The following LMO7 variants were observed in gnomAD, a reference collection of about 807,000 sequenced individuals.
LMO7 encodes the protein LIM domain only protein 7.
LMO7 carries 120 observed loss-of-function variants against 206.5 expected under a neutral mutation model. That is an observed-to-expected ratio of 0.58 (90% CI 0.50 to 0.68). LMO7 has a LOEUF of 0.68. Ranked by LOEUF, LMO7 falls within the 30% of genes least tolerant of loss-of-function variation. LMO7 has a pLI of 0.00. For synonymous variants in LMO7, 706 were observed against 681.5 expected, an observed-to-expected ratio of 1.04 and a Z score of -0.56; for missense variants, 1,959 against 1,957.9, an observed-to-expected ratio of 1.00 and a Z score of -0.01.
chr13:75,769,225 T>A (rs973144953), intron 4 of LMO7, among the ~76,000 whole-genome samples: 6 of 152,078 alleles, frequency 3.9e-5, no homozygotes, highest in Non-Finnish European at 8.8e-5. Flanking sequence ...GGAGCAGTTA[T>A]GTTTTAGGGG....
At position 75,841,100 on chromosome 13, in the gene LMO7, T is replaced by A. The variant is rs191586851; in HGVS notation, c.3583-9T>A. 9.5e-6 allele frequency: 15 copies of A among 1,576,544 alleles called. No individual in the cohort carries two copies. The African/African-American group carries it at 1.2e-4, about 13-fold the overall frequency. ...CTATTGGATTAATATATGTCATATTTTCTTATAGGAAAAATATCAACGTGA... is the reference window on the plus strand; with the variant it reads ...CTATTGGATTAATATATGTCATATTATCTTATAGGAAAAATATCAACGTGA... On this transcript the variant is annotated splice_polypyrimidine_tract_variant and intron_variant, in intron 22 of 30. Coordinates refer to ENST00000377534, the MANE Select transcript of LMO7 (RefSeq NM_001306080.2).
intron 15 of LMO7, among the ~76,000 whole-genome samples, chr13:75,827,746 CTA>C (rs3837543): frequency 0.13 from 19,794 of 152,116 alleles, 1,692 homozygotes; most frequent in Admixed American, 0.21. Context: ...TTTCAGAGCT[CTA>C]TGTTTTTAAA....
intron 2 of LMO7, among the ~76,000 whole-genome samples, chr13:75,724,295 A>G (rs987623025): frequency 6.6e-6 from 1 of 152,132 alleles, no homozygotes; most frequent in African/African-American, 2.4e-5. Flanking sequence ...TGTACTAACC[A>G]AGCACATAAC....
chr13:75,644,453 A>G (rs1236491718), intron 1 of LMO7, among the ~76,000 whole-genome samples: 1 of 152,216 alleles, frequency 6.6e-6, no homozygotes, highest in Non-Finnish European at 1.5e-5. Flanking sequence ...ATTAAGAATC[A>G]GAAAAGAATG....
chr13:75,774,999 C>T (rs918040185), intron 4 of LMO7, among the ~76,000 whole-genome samples: 16 of 151,790 alleles, frequency 1.1e-4, no homozygotes, highest in African/African-American at 3.1e-4. Flanking sequence ...TAAAGCAGGG[C>T]GAGGAAGAGA....
At chr13:75,632,535 A>G (rs140509912), upstream of LMO7, among the ~76,000 whole-genome samples, 1,578 of 152,294 alleles carry the variant, frequency 0.01, 25 homozygotes, top group South Asian at 0.072. Flanking sequence ...AATTCTCACA[A>G]CAATCCTTTG....
At chr13:75,762,278 T>C (rs987209792) in intron 4 of LMO7, among the ~76,000 whole-genome samples, 8 of 152,162 alleles carry the variant, frequency 5.3e-5, no homozygotes, top group Non-Finnish European at 7.4e-5. Context: ...CAAAGTGAAA[T>C]GTTTGCTTCT....
intron 1 of LMO7, among the ~76,000 whole-genome samples, chr13:75,654,509 C>A (rs1416787296): frequency 6.6e-6 from 1 of 152,046 alleles, no homozygotes; most frequent in Non-Finnish European, 1.5e-5. Context: ...TCCCTTGGCA[C>A]AGGAAGGGAG....
At chr13:75,689,791 C>T (rs2041308157) in intron 1 of LMO7, among the ~76,000 whole-genome samples, 1 of 152,212 alleles carries the variant, frequency 6.6e-6, no homozygotes, top group African/African-American at 2.4e-5. Flanking sequence ...CAGCCACAGA[C>T]TGGAGATTGC....
At chr13:75,838,934 A>G (rs1328980820) in intron 20 of LMO7, among the ~76,000 whole-genome samples, 4 of 152,206 alleles carry the variant, frequency 2.6e-5, no homozygotes, top group Non-Finnish European at 4.4e-5. Flanking sequence ...TTGAGATGCA[A>G]TGGTCAGAGG....
At chr13:75,646,301 C>G (rs1350731897) in intron 1 of LMO7, among the ~76,000 whole-genome samples, 1 of 152,220 alleles carries the variant, frequency 6.6e-6, no homozygotes, top group Admixed American at 6.5e-5. Context: ...CACCTTTCAC[C>G]TATGCTGTTG....
intron 3 of LMO7, among the ~76,000 whole-genome samples, chr13:75,751,167 T>A (rs2047242576): frequency 8.0e-6 from 1 of 125,500 alleles, no homozygotes; most frequent in South Asian, 2.8e-4. Context: ...TTTTTTTTTT[T>A]TTTTTTTTTT....
intron 11 of LMO7, among the ~76,000 whole-genome samples, chr13:75,814,984 G>A (rs1436643554): frequency 6.6e-6 from 1 of 152,148 alleles, no homozygotes; most frequent in Non-Finnish European, 1.5e-5. Context: ...ACCAGGGATG[G>A]CGGACCTCTT....
chr13:75,740,976 G>T (rs1403092844), intron 3 of LMO7, among the ~76,000 whole-genome samples: 3 of 152,146 alleles, frequency 2.0e-5, no homozygotes, highest in Non-Finnish European at 4.4e-5. Context: ...GTGTATTGGA[G>T]CAATTTCATA....
chr13:75,853,085 G>A lies in LMO7; in HGVS notation c.4365-7G>A. ...CATTATTTTGATGAGTCTTTTTTGT[G>A]TTTCAGAGGCGAATCTTTAGATAAC... is the stretch of plus-strand genomic sequence containing the variant. On this transcript the variant is annotated splice_polypyrimidine_tract_variant and splice_region_variant and intron_variant, in intron 27 of 30. Transcript: ENST00000377534. 3 of 1,574,120 alleles carry A rather than the reference G, an allele frequency of 1.9e-6. No homozygotes were observed. Among genetic ancestry groups the A allele is most frequent in the Non-Finnish European group, 2.6e-6 (3 of 1,159,552 alleles).
At chr13:75,785,789 G>C (rs2052336167) in intron 4 of LMO7, among the ~76,000 whole-genome samples, 2 of 152,036 alleles carry the variant, frequency 1.3e-5, no homozygotes, top group Admixed American at 6.6e-5. Flanking sequence ...CATATAATCA[G>C]GCAACTTTAT....
intron 4 of LMO7, among the ~76,000 whole-genome samples, chr13:75,784,119 G>A (rs1472217568): frequency 6.6e-6 from 1 of 152,182 alleles, no homozygotes; most frequent in Non-Finnish European, 1.5e-5. Context: ...GTGGTATCTA[G>A]TGGGTAGAGG....
Position 75,853,162 on chromosome 13 carries a change from C to T in LMO7, c.4435C>T (p.Pro1479Ser). 6.2e-7 allele frequency: 1 copy of T among 1,614,116 alleles called. No homozygotes were observed. The highest frequency in any genetic ancestry group is 8.5e-7 in the Non-Finnish European group (1 of 1,179,972). ...SWRQPPWLNQ[P>S]TGFYASSSVQ... ...GAGACAGCCTCCTTGGCTCAATCAG[C>T]CCACAGGATTCTATGCTTCTTCCTC... is the stretch of plus-strand genomic sequence containing the variant. Residue 1479 changes from proline to serine, a missense_variant, in exon 28 of 31, where the codon CCC (proline) becomes TCC (serine). Pro to Ser is a moderately conservative substitution (Grantham distance 74, BLOSUM62 -1). Transcript: ENST00000377534.
intron 1 of LMO7, among the ~76,000 whole-genome samples, chr13:75,712,297 C>T (rs9565189): frequency 6.6e-6 from 1 of 152,138 alleles, no homozygotes; most frequent in African/African-American, 2.4e-5. Flanking sequence ...TACGTGGTGG[C>T]TGCATCTCCA....
Sources: gnomAD v4.1 joint callset for allele counts (sites outside exome capture counted in the v4.1 genomes callset) on GRCh38, gnomAD v4.1.1 for gene constraint, MANE v1.5 for transcripts, NCBI Gene and HGNC (gene_info 2026-07-23, HGNC 2026-07-21) for gene names.